The following KBTBD11 variants were observed in gnomAD, a reference collection of about 807,000 sequenced individuals.
The protein encoded by KBTBD11 is kelch repeat and BTB domain containing 11, also known as kelch repeat and BTB domain-containing protein 11.
For synonymous variants in KBTBD11, 747 were observed against 499.0 expected (o/e 1.50, Z -6.63); for missense variants, 1,390 against 1,001.8 (o/e 1.39, Z -5.23).
intron 1 of KBTBD11, among the ~76,000 whole-genome samples, chr8:1,981,810 T>G (rs2129309477): frequency 6.6e-6 from 1 of 152,324 alleles, no homozygotes; most frequent in South Asian, 2.1e-4. Flanking sequence ...GTCCCCTGGG[T>G]TGTCAGGCCT....
At position 2,001,501 on chromosome 8, in the gene KBTBD11, C is replaced by T. The variant is rs1196080578; in HGVS notation, c.309C>T (p.Pro103=). The T allele has an allele frequency of 5.0e-6, 7 of 1,392,692 alleles. No individual in the cohort carries two copies. The African/African-American group carries it at 9.1e-5, about 18-fold the overall frequency. 86.3% of individuals were successfully genotyped at this position (1,392,692 alleles called of 1,614,324 possible). A position where few individuals can be genotyped will look rare whatever the true frequency, so the allele number is the denominator to read the frequency against. The change falls in exon 2 of 2, where the codon CCC becomes CCT. Residue 103 remains proline (P), a synonymous_variant. Transcript: ENST00000320248. ...SPEERACPEE[P]AAPSPEPRVW... ...AGGAGCGCGCGTGCCCGGAAGAGCCCGCGGCGCCGTCCCCCGAACCGCGCG... is the reference window on the plus strand; with the variant it reads ...AGGAGCGCGCGTGCCCGGAAGAGCCTGCGGCGCCGTCCCCCGAACCGCGCG...
chr8:1,976,070 A>G (rs1350197475), intron 1 of KBTBD11: 1 of 152,178 alleles, frequency 6.6e-6, no homozygotes, highest in Non-Finnish European at 1.5e-5. Flanking sequence ...ATCTGGAATC[A>G]CTTAGGCAGC....
chr8:1,993,899 A>G (rs1334349985), intron 1 of KBTBD11, among the ~76,000 whole-genome samples: 1 of 144,748 alleles, frequency 6.9e-6, no homozygotes, highest in Non-Finnish European at 1.5e-5. Context: ...AAAGCTATCA[A>G]TATATGAATA....
In KBTBD11 at chr8:2,002,316, G is replaced by T; in HGVS notation, c.1124G>T (p.Arg375Leu). Residue 375 changes from arginine (R) to leucine (L), a missense_variant, in exon 2 of 2, where the codon CGC (arginine) becomes CTC (leucine). Physicochemically the swap from Arg to Leu is moderately radical, Grantham distance 102. Coordinates refer to ENST00000320248, the MANE Select transcript of KBTBD11 (RefSeq NM_014867.3). The surrounding 1 kb of genome is among the most constrained non-coding windows in gnomAD (Gnocchi z 4.1). ...GGVAPAGPDG[R>L]ARPSDQVFCY... ...GTGGCGCCCGCGGGCCCCGACGGCCGCGCGCGCCCGTCCGACCAGGTCTTC... is the reference window on the plus strand; with the variant it reads ...GTGGCGCCCGCGGGCCCCGACGGCCTCGCGCGCCCGTCCGACCAGGTCTTC... 1.5e-6 allele frequency: 2 copies of T among 1,353,264 alleles called. No individual in the cohort carries two copies. The highest frequency in any genetic ancestry group is 1.9e-6 in the Non-Finnish European group (2 of 1,058,894). The allele number at this position is 1,353,264 out of a possible 1,614,324, so 83.8% of individuals were successfully genotyped here.
Position 2,002,738 on chromosome 8 carries a change from G to T in KBTBD11, c.1546G>T (p.Ala516Ser). ...GAGCGGCAGCCGCGGCGAGGCGCAG[G>T]CGGCGGGGCCGAGCGGGGTCAGCGT... ...DLSGSRGEAQAAGPSGVSVSR... is the reference protein window; with the variant it reads ...DLSGSRGEAQSAGPSGVSVSR... Residue 516 changes from alanine (A) to serine (S), a missense_variant, in exon 2 of 2, where the codon GCG (alanine) becomes TCG (serine). Physicochemically the swap from Ala to Ser is moderately conservative, Grantham distance 99. Coordinates refer to ENST00000320248, the MANE Select transcript of KBTBD11 (RefSeq NM_014867.3). This position sits in a 1 kb window ranked among gnomAD's most constrained non-coding sequence, Gnocchi z 4.1. The T allele has an allele frequency of 6.7e-7, 1 of 1,501,116 alleles. No individual in the cohort carries two copies. 93.0% of individuals were successfully genotyped at this position (1,501,116 alleles called of 1,614,324 possible). A position where few individuals can be genotyped will look rare whatever the true frequency, so the allele number is the denominator to read the frequency against.
Position 2,006,603 on chromosome 8 carries a change from C to T in KBTBD11, c.*3539C>T, listed in dbSNP as rs938569673. 2.4e-5 allele frequency: 4 copies of T among 167,050 alleles called. No homozygotes were observed. The highest frequency in any genetic ancestry group is 9.7e-5 in the African/African-American group (4 of 41,444). The allele number at this position is 167,050 out of a possible 1,614,324, so 10.3% of individuals were successfully genotyped here. On this transcript the variant is annotated 3_prime_UTR_variant, in exon 2 of 2. Transcript: ENST00000320248. ...GAGGAAGCCTGGACTGTGCAGCCTT[C>T]GGGCACCCGGCACAGACACTGTGCT...
intron 1 of KBTBD11, 47 bp downstream of exon 1, chr8:1,973,982 C>T (rs1816215489): frequency 2.2e-6 from 2 of 914,898 alleles, no homozygotes; most frequent in Non-Finnish European, 2.6e-6. Flanking sequence ...GCGGGCGGAG[C>T]GGGAAGCAGC....
At chr8:1,988,245 C>G (rs1215619276) in intron 1 of KBTBD11, among the ~76,000 whole-genome samples, 2 of 152,110 alleles carry the variant, frequency 1.3e-5, no homozygotes, top group Non-Finnish European at 2.9e-5. Flanking sequence ...GGGCATATAC[C>G]CACTAATGGG....
At position 2,004,284 on chromosome 8, in the gene KBTBD11, G is replaced by A. The variant is rs990543947; in HGVS notation, c.*1220G>A. On this transcript the variant is annotated 3_prime_UTR_variant, in exon 2 of 2. Transcript: ENST00000320248. The stretch of plus-strand genomic sequence containing the variant: ...GGGTATGAGGATTAAAAACAAATCA[G>A]TTGGGTCGTTTCTCATTTAACATTT... 1 of 166,898 alleles carries A rather than the reference G, an allele frequency of 6.0e-6. No individual in the cohort carries two copies. Among genetic ancestry groups the A allele is most frequent in the Admixed American group, 6.5e-5 (1 of 15,288 alleles). 10.3% of individuals were successfully genotyped at this position (166,898 alleles called of 1,614,324 possible). A position where few individuals can be genotyped will look rare whatever the true frequency, so the allele number is the denominator to read the frequency against.
chr8:1,979,581 A>G (rs889669737), intron 1 of KBTBD11, among the ~76,000 whole-genome samples: 1 of 152,206 alleles, frequency 6.6e-6, no homozygotes, highest in African/African-American at 2.4e-5. Flanking sequence ...GTGAGCCGAG[A>G]TTGCGCCACT....
chr8:1,982,253 G>A (rs993820770), intron 1 of KBTBD11, among the ~76,000 whole-genome samples: 3 of 152,116 alleles, frequency 2.0e-5, no homozygotes, highest in Admixed American at 6.5e-5. Context: ...CCTACAGTAG[G>A]TACACAAAAG....
chr8:1,994,701 G>A (rs1281139320), intron 1 of KBTBD11, among the ~76,000 whole-genome samples: 1 of 152,174 alleles, frequency 6.6e-6, no homozygotes, highest in African/African-American at 2.4e-5. Flanking sequence ...TGTCCTTTCG[G>A]ACTCACGTGT....
rs111517427 is a variant in KBTBD11, at chr8:1,979,233, G to T, written c.-909+5298G>T. The stretch of plus-strand genomic sequence containing the variant: ...CAGTCCCTCCTCCTCGGGAACCTCC[G>T]CCTTTTTAAGGCTTTGACTGATTGG... On this transcript the variant is annotated intron_variant, in intron 1 of 1. Transcript: ENST00000320248. Among the ~76,000 whole-genome samples the T allele has an allele frequency of 2.3e-3, 357 of 152,290 alleles. 4 individuals carry two copies. Among genetic ancestry groups the T allele is most frequent in the African/African-American group, 8.1e-3 (338 of 41,574 alleles).
rs1373859338 is a variant in KBTBD11 at position 1,973,749 on chromosome 8, C to T, written c.-1095C>T. 5.1e-6 allele frequency: 5 copies of T among 983,724 alleles called. No homozygotes were observed. Among genetic ancestry groups the T allele is most frequent in the Non-Finnish European group, 6.0e-6 (5 of 829,388 alleles). The allele number at this position is 983,724 out of a possible 1,614,324, so 60.9% of individuals were successfully genotyped here. A position where few individuals can be genotyped will look rare whatever the true frequency, so the allele number is the denominator to read the frequency against. On this transcript the variant is annotated 5_prime_UTR_variant, in exon 1 of 2. Transcript: ENST00000320248. Reference sequence around the variant, plus strand: ...GCGCGGCCTGGAGAGGCGGAGAGGCCTGTCCACCGCCCCCTCTGCCGCCCA... The same window carrying T: ...GCGCGGCCTGGAGAGGCGGAGAGGCTTGTCCACCGCCCCCTCTGCCGCCCA...
In KBTBD11 at chr8:2,006,066, C is replaced by G. The variant is rs139837856; in HGVS notation, c.*3002C>G. The G allele has an allele frequency of 3.1e-3, 511 of 167,224 alleles. 3 individuals are homozygous for G. The highest frequency in any genetic ancestry group is 0.011 in the African/African-American group (476 of 41,568). 10.4% of individuals were successfully genotyped at this position (167,224 alleles called of 1,614,324 possible). A position where few individuals can be genotyped will look rare whatever the true frequency, so the allele number is the denominator to read the frequency against. On this transcript the variant is annotated 3_prime_UTR_variant, in exon 2 of 2. Transcript: ENST00000320248. ...GTTTCTGAGTCTGTGGAGGCACCGA[C>G]TTCTGCTGTAAGAAAATGAATGTTG...
Position 2,003,225 on chromosome 8 carries a change from C to CTTTGCTTTCCT in KBTBD11, c.*169_*179dup, listed in dbSNP as rs1328874821. 8.9e-7 allele frequency: 1 copy of CTTTGCTTTCCT among 1,126,690 alleles called. No homozygotes were observed. Among genetic ancestry groups the CTTTGCTTTCCT allele is most frequent in the Admixed American group, 4.3e-5 (1 of 23,326 alleles). The allele number at this position is 1,126,690 out of a possible 1,614,324, so 69.8% of individuals were successfully genotyped here. A position where few individuals can be genotyped will look rare whatever the true frequency, so the allele number is the denominator to read the frequency against. On this transcript the variant is annotated 3_prime_UTR_variant, in exon 2 of 2. Coordinates refer to ENST00000320248, the MANE Select transcript of KBTBD11 (RefSeq NM_014867.3). The stretch of plus-strand genomic sequence containing the variant: ...GAGGACGCTCTCAGGGCCGCTTTCG[C>CTTTGCTTTCCT]TTTGCTTTCCTTTTGCTTGTCTTTG...
rs1255164721 is a variant in KBTBD11 at position 1,974,745 on chromosome 8, A to G, written c.-909+810A>G. ...TCTCAGGCGGGGCTCATTCTGGAGC[A>G]TGAAAAGAGGGTGAACCAAAGTCCC... On this transcript the variant is annotated intron_variant, in intron 1 of 1. Coordinates refer to ENST00000320248, the MANE Select transcript of KBTBD11 (RefSeq NM_014867.3). 4.1e-6 allele frequency: 4 copies of G among 979,968 alleles called. No homozygotes were observed. The Admixed American group carries it at 1.8e-4, about 45-fold the overall frequency. The allele number at this position is 979,968 out of a possible 1,614,324, so 60.7% of individuals were successfully genotyped here. A position where few individuals can be genotyped will look rare whatever the true frequency, so the allele number is the denominator to read the frequency against.
rs757166087 is a variant in KBTBD11 at position 2,001,520 on chromosome 8, C to A, written c.328C>A (p.Pro110Thr). 4.4e-5 allele frequency: 63 copies of A among 1,419,108 alleles called. No homozygotes were observed. Among genetic ancestry groups the A allele is most frequent in the African/African-American group, 1.5e-5 (1 of 66,296 alleles). 87.9% of individuals were successfully genotyped at this position (1,419,108 alleles called of 1,614,324 possible). A position where few individuals can be genotyped will look rare whatever the true frequency, so the allele number is the denominator to read the frequency against. The part of the protein sequence containing the change: ...PEEPAAPSPE[P>T]RVWLEDPASP... ...AGAGCCCGCGGCGCCGTCCCCCGAACCGCGCGTTTGGCTTGAGGACCCCGC... is the reference window on the plus strand; with the variant it reads ...AGAGCCCGCGGCGCCGTCCCCCGAAACGCGCGTTTGGCTTGAGGACCCCGC... The change falls in exon 2 of 2, where the codon CCG becomes ACG. Residue 110 changes from proline to threonine, a missense_variant. Transcript: ENST00000320248.
In KBTBD11 at chr8:2,003,301, TGACA is replaced by T. The variant is rs1367960611; in HGVS notation, c.*243_*246del. The T allele has an allele frequency of 8.2e-6, 4 of 489,144 alleles. No homozygotes were observed. The highest frequency in any genetic ancestry group is 2.0e-5 in the African/African-American group (1 of 49,592). The allele number at this position is 489,144 out of a possible 1,614,324, so 30.3% of individuals were successfully genotyped here. On this transcript the variant is annotated 3_prime_UTR_variant, in exon 2 of 2. Transcript: ENST00000320248. The stretch of plus-strand genomic sequence containing the variant: ...CCAGGAGGTGTGCGGATGGGTCCCT[TGACA>T]GACAGGACACAGAGAAGGCTGTGGG...
Sources: allele counts gnomAD v4.1 joint callset (sites outside exome capture counted in the v4.1 genomes callset), GRCh38; gene constraint gnomAD v4.1.1; non-coding constraint Gnocchi (gnomAD v3.1); transcripts MANE v1.5; gene names NCBI Gene and HGNC (gene_info 2026-07-23, HGNC 2026-07-21).